Variants in NRCAM observed in about 807,000 individuals in gnomAD.
NRCAM encodes the protein neuronal cell adhesion molecule.
NRCAM carries 83 observed loss-of-function variants against 156.5 expected under a neutral mutation model. That is an observed-to-expected ratio of 0.53 (90% CI 0.44 to 0.64). The LOEUF (loss-of-function observed/expected upper bound fraction) is 0.64. Ranked by LOEUF, NRCAM falls within the 30% of genes least tolerant of loss-of-function variation. NRCAM has a pLI of 0.00. For synonymous variants in NRCAM, 538 were observed against 563.9 expected (o/e 0.95, Z 0.65); for missense variants, 1,417 against 1,597.3 (o/e 0.89, Z 1.92).
intron 2 of NRCAM, among the ~76,000 whole-genome samples, chr7:108,316,788 C>CAAA (rs35502722): frequency 8.0e-6 from 1 of 124,868 alleles, no homozygotes; most frequent in South Asian, 2.6e-4. Context: ...GACTCCATCT[C>CAAA]AAAAAAAAAA....
At chr7:108,371,517 T>C (rs1018640618) in intron 2 of NRCAM, among the ~76,000 whole-genome samples, 2 of 152,114 alleles carry the variant, frequency 1.3e-5, no homozygotes, top group African/African-American at 4.8e-5. Flanking sequence ...GTTTTCTTTG[T>C]AGGCTGAAGA....
intron 22 of NRCAM, 51 bp downstream of exon 22, chr7:108,184,190 T>C (rs1487803256): frequency 6.7e-7 from 1 of 1,489,734 alleles, no homozygotes; most frequent in Admixed American, 1.7e-5. Flanking sequence ...TCAAACAACT[T>C]TTTTTTCACT....
rs773985727 is a variant in NRCAM, at chr7:108,149,960, C to T, written c.3865G>A (p.Glu1289Lys). The T allele has an allele frequency of 2.0e-5, 33 of 1,613,758 alleles. No homozygotes were observed. The highest frequency in any genetic ancestry group is 3.3e-5 in the Admixed American group (2 of 59,938). The change falls in exon 33 of 33, where the codon GAA (glutamate) becomes AAA (lysine). Residue 1289 changes from glutamate (E) to lysine (K), a missense_variant. Glu to Lys is a moderately conservative substitution (Grantham distance 56). This residue lies in a region of NRCAM where 179 missense variants were observed against 260.9 expected (regional missense o/e 0.69). Coordinates refer to ENST00000379028, the MANE Select transcript of NRCAM (RefSeq NM_001037132.4). ...KKEKEPAEGN[E>K]SSEAPSPVNA... ...ACAGGAGAAGGTGCCTCTGAGCTTT[C>T]GTTTCCTTCAGCCGGCTCTTTCTCT...
chr7:108,160,149 G>A (rs987769066), intron 31 of NRCAM, among the ~76,000 whole-genome samples: 3 of 152,082 alleles, frequency 2.0e-5, no homozygotes, highest in African/African-American at 7.2e-5. Flanking sequence ...TCAGAGAACT[G>A]ATTGATTTAC....
intron 1 of NRCAM, among the ~76,000 whole-genome samples, chr7:108,437,246 T>C (rs898552022): frequency 1.3e-5 from 2 of 151,610 alleles, no homozygotes; most frequent in Admixed American, 6.6e-5. Flanking sequence ...ACATAGAAAG[T>C]AGGAGGATGG....
intron 20 of NRCAM, among the ~76,000 whole-genome samples, chr7:108,185,486 A>G (rs2066115383): frequency 6.6e-6 from 1 of 152,160 alleles, no homozygotes; most frequent in African/African-American, 2.4e-5. Flanking sequence ...CTGTAATCTC[A>G]GCACTTTGGG....
chr7:108,404,151 T>C (rs1278193949), intron 1 of NRCAM, among the ~76,000 whole-genome samples: 2 of 152,136 alleles, frequency 1.3e-5, no homozygotes, highest in African/African-American at 4.8e-5. Flanking sequence ...GTGAAGTGCC[T>C]CAGAGGGAGA....
At chr7:108,211,486 C>G (rs780561600) in intron 11 of NRCAM, among the ~76,000 whole-genome samples, 9 of 152,130 alleles carry the variant, frequency 5.9e-5, no homozygotes, top group South Asian at 2.1e-4. Flanking sequence ...TAGTCTGGGG[C>G]AAGTTCTCAA....
chr7:108,268,637 G>GGGA (rs2097209411), intron 3 of NRCAM, among the ~76,000 whole-genome samples: 23 of 48,610 alleles, frequency 4.7e-4, no homozygotes, highest in Non-Finnish European at 6.8e-4. Flanking sequence ...GGGGGGGGTT[G>GGGA]GGGGGGGCGG....
At chr7:108,305,105 T>C (rs900038454) in intron 3 of NRCAM, among the ~76,000 whole-genome samples, 1 of 152,166 alleles carries the variant, frequency 6.6e-6, no homozygotes, top group Non-Finnish European at 1.5e-5. Flanking sequence ...ATGTTTTCCT[T>C]AGGGATGACT....
At position 108,182,057 on chromosome 7, in the gene NRCAM, T is replaced by C; in HGVS notation, c.2531-120A>G. On this transcript the variant is annotated intron_variant, in intron 23 of 32. Coordinates refer to ENST00000379028, the MANE Select transcript of NRCAM (RefSeq NM_001037132.4). The stretch of plus-strand genomic sequence containing the variant: ...ACTGCAGACCTATTCTATGGATTAT[T>C]AAGGCTTGAACACAGATTTTGGGGT... 3 of 668,626 alleles carry C rather than the reference T, an allele frequency of 4.5e-6. No individual in the cohort carries two copies. In the South Asian group the frequency reaches 6.1e-5, roughly 14 times the overall value. 41.4% of individuals were successfully genotyped at this position (668,626 alleles called of 1,614,324 possible).
intron 3 of NRCAM, among the ~76,000 whole-genome samples, chr7:108,263,758 G>A (rs1384669754): frequency 2.6e-5 from 4 of 152,222 alleles, no homozygotes; most frequent in African/African-American, 7.2e-5. Flanking sequence ...TGTTGGGTGG[G>A]TGCCACCAGC....
intron 2 of NRCAM, among the ~76,000 whole-genome samples, chr7:108,327,893 T>C (rs926147886): frequency 6.6e-6 from 1 of 152,138 alleles, no homozygotes; most frequent in African/African-American, 2.4e-5. Context: ...AAAAGTATTA[T>C]ACTATCCTCA....
chr7:108,367,860 TAA>T (rs2099601390), intron 2 of NRCAM, among the ~76,000 whole-genome samples: 1 of 152,202 alleles, frequency 6.6e-6, no homozygotes, highest in Non-Finnish European at 1.5e-5. Flanking sequence ...TTTTTATTAC[TAA>T]AAGTTACCAT....
At chr7:108,233,918 T>C (rs529640983) in intron 6 of NRCAM, among the ~76,000 whole-genome samples, 1 of 152,314 alleles carries the variant, frequency 6.6e-6, no homozygotes, top group East Asian at 1.9e-4. Context: ...CAGTTTCCCA[T>C]CTATAAAATG....
intron 30 of NRCAM, among the ~76,000 whole-genome samples, chr7:108,160,808 A>T (rs2048462832): frequency 6.6e-6 from 1 of 152,210 alleles, no homozygotes; most frequent in East Asian, 1.9e-4. Context: ...AACCAATTAA[A>T]GTATTCACTG....
chr7:108,344,266 T>A (rs1418601146), intron 2 of NRCAM, among the ~76,000 whole-genome samples: 1 of 152,112 alleles, frequency 6.6e-6, no homozygotes, highest in Non-Finnish European at 1.5e-5. Flanking sequence ...GCTTGCAACT[T>A]ACCTCACACC....
chr7:108,364,361 T>C (rs1048605926), intron 2 of NRCAM, among the ~76,000 whole-genome samples: 17 of 152,150 alleles, frequency 1.1e-4, no homozygotes, highest in African/African-American at 3.6e-4. Context: ...ATAGCAAGTG[T>C]TGGTGAGAAT....
chr7:108,430,278 G>A (rs941654411), intron 1 of NRCAM, among the ~76,000 whole-genome samples: 13 of 152,142 alleles, frequency 8.5e-5, no homozygotes, highest in Admixed American at 7.9e-4. Flanking sequence ...GCTATGTTGA[G>A]AAGATGTAGC....
Sources: gnomAD v4.1 joint callset for allele counts (sites outside exome capture counted in the v4.1 genomes callset) on GRCh38, gnomAD v4.1.1 for gene constraint, gnomAD v4.1.1 regional missense constraint, MANE v1.5 for transcripts, NCBI Gene and HGNC (gene_info 2026-07-23, HGNC 2026-07-21) for gene names.